Variants in UBE2Q2 observed in about 807,000 individuals in gnomAD.
UBE2Q2 encodes ubiquitin conjugating enzyme E2 Q2.
Under a neutral mutation model 59.9 loss-of-function variants are expected in UBE2Q2, and 54 were observed. The ratio of observed to expected loss-of-function variants is 0.90; its 90% CI spans 0.72 to 1.13. The LOEUF is 1.13. UBE2Q2 is among the 50% of genes most tolerant of loss of function. UBE2Q2 has a pLI of 0.00. For missense variants in UBE2Q2, 433 were observed against 441.9 expected, an observed-to-expected ratio of 0.98 and a Z score of 0.18; for synonymous variants, 165 against 155.2, an observed-to-expected ratio of 1.06 and a Z score of -0.47.
chr15:75,873,578 T>G lies in UBE2Q2; in HGVS notation c.588+10T>G. 3 of 1,603,488 alleles carry G rather than the reference T, an allele frequency of 1.9e-6. No homozygotes were observed. The highest frequency in any genetic ancestry group is 2.5e-6 in the Non-Finnish European group (3 of 1,176,888). On this transcript the variant is annotated intron_variant, in intron 5 of 12. Transcript: ENST00000267938. ...GCAAGACCATTTAAATGTAAGTGTG[T>G]GTAGATATCTAGAACCTGGACTTTT...
At chr15:75,856,269 G>GTGTGTGTGTGTATATA (rs1256142539) in intron 2 of UBE2Q2, among the ~76,000 whole-genome samples, 3 of 139,286 alleles carry the variant, frequency 2.2e-5, no homozygotes, top group African/African-American at 8.2e-5. Context: ...GTGTGTGTGT[G>GTGTGTGTGTGTATATA]TATATATATA....
chr15:75,882,262 C>CT (rs1898473870), intron 8 of UBE2Q2, among the ~76,000 whole-genome samples: 1 of 152,108 alleles, frequency 6.6e-6, no homozygotes, highest in African/African-American at 2.4e-5. Flanking sequence ...TTTATAGAGT[C>CT]TGAGAGTCTG....
At position 75,899,451 on chromosome 15, in the gene UBE2Q2, A is replaced by T. The variant is rs1245086477; in HGVS notation, c.1121A>T (p.Asp374Val). The change falls in exon 13 of 13, where the codon GAT becomes GTT. Residue 374 changes from aspartate (D) to valine (V), a missense_variant. Asp to Val is a radical substitution (Grantham distance 152). Coordinates refer to ENST00000267938, the MANE Select transcript of UBE2Q2 (RefSeq NM_173469.4). ...GGCTGGTACACCCCTCCAAAGGAAG[A>T]TGGCTAAATGTGTTGACTGTTGTAT... ...KNGWYTPPKE[D>V]G 6.3e-7 allele frequency: 1 copy of T among 1,594,100 alleles called. No homozygotes were observed. The highest frequency in any genetic ancestry group is 8.5e-7 in the Non-Finnish European group (1 of 1,170,776).
chr15:75,843,610 C>T lies in UBE2Q2; in HGVS notation c.-57C>T. ...GCCGTGACGGCGGCTCCGGGCCCGG[C>T]TCCCCTTCCGCGCCCGGCTCCCCTT... On this transcript the variant is annotated 5_prime_UTR_variant, in exon 1 of 13. Transcript: ENST00000267938. 3 of 1,488,230 alleles carry T rather than the reference C, an allele frequency of 2.0e-6. No individual in the cohort carries two copies. The highest frequency in any genetic ancestry group is 1.2e-5 in the South Asian group (1 of 80,296). The allele number at this position is 1,488,230 out of a possible 1,614,324, so 92.2% of individuals were successfully genotyped here. A position where few individuals can be genotyped will look rare whatever the true frequency, so the allele number is the denominator to read the frequency against.
intron 9 of UBE2Q2, among the ~76,000 whole-genome samples, chr15:75,887,759 G>A (rs1567040474): frequency 6.6e-6 from 1 of 152,132 alleles, no homozygotes; most frequent in African/African-American, 2.4e-5. Context: ...TGAGGGCCAC[G>A]CTGTTGTCTT....
intron 8 of UBE2Q2, among the ~76,000 whole-genome samples, chr15:75,879,933 A>AG (rs1236617223): frequency 1.3e-5 from 2 of 152,164 alleles, no homozygotes; most frequent in African/African-American, 2.4e-5. Flanking sequence ...GGTGGGAGGT[A>AG]GGGAGGTGTG....
chr15:75,890,567 A>G (rs1349299182), intron 10 of UBE2Q2, 84 bp downstream of exon 10: 1 of 1,174,042 alleles, frequency 8.5e-7, no homozygotes, highest in Non-Finnish European at 1.2e-6. Flanking sequence ...AAAATTCTTT[A>G]ATAGCTCCTA....
At chr15:75,857,337 T>C (rs566680018) in intron 2 of UBE2Q2, among the ~76,000 whole-genome samples, 16 of 152,332 alleles carry the variant, frequency 1.1e-4, no homozygotes, top group Admixed American at 9.1e-4. Context: ...TTTTTCAGTA[T>C]CTAAAATATT....
At chr15:75,874,934 C>T (rs1034696788) in intron 5 of UBE2Q2, among the ~76,000 whole-genome samples, 1 of 152,178 alleles carries the variant, frequency 6.6e-6, no homozygotes, top group African/African-American at 2.4e-5. Flanking sequence ...ATGTTGAAAA[C>T]AGGTAGATTA....
intron 2 of UBE2Q2, among the ~76,000 whole-genome samples, chr15:75,856,017 T>C (rs1310038283): frequency 6.6e-6 from 1 of 151,976 alleles, no homozygotes; most frequent in African/African-American, 2.4e-5. Context: ...GTGAAACCTG[T>C]CTCTACAAAA....
At chr15:75,877,221 T>G (rs1471239749) in intron 6 of UBE2Q2, among the ~76,000 whole-genome samples, 1 of 148,672 alleles carries the variant, frequency 6.7e-6, no homozygotes. Context: ...TATGACCGAT[T>G]CAGGAATTCT....
intron 12 of UBE2Q2, among the ~76,000 whole-genome samples, chr15:75,899,105 C>A (rs1340356523): frequency 5.5e-4 from 61 of 111,058 alleles, no homozygotes; most frequent in African/African-American, 1.1e-3. Flanking sequence ...TACTAAATAC[C>A]AAAAAAAAAA....
intron 1 of UBE2Q2, among the ~76,000 whole-genome samples, chr15:75,847,665 C>T (rs776751293): frequency 2.0e-5 from 3 of 152,092 alleles, no homozygotes; most frequent in African/African-American, 4.8e-5. Flanking sequence ...TTGTTTTAAG[C>T]AGCCTTATTG....
intron 3 of UBE2Q2, among the ~76,000 whole-genome samples, chr15:75,866,485 A>G (rs1011398372): frequency 1.3e-5 from 2 of 152,162 alleles, no homozygotes; most frequent in East Asian, 1.9e-4. Context: ...CAGTATTCCT[A>G]TGGGGCTTTC....
intron 1 of UBE2Q2, chr15:75,844,081 G>A (rs1177722268): frequency 2.1e-6 from 3 of 1,411,884 alleles, no homozygotes; most frequent in Non-Finnish European, 2.8e-6. Flanking sequence ...TGGCTTGGGG[G>A]CTTCTGGCCC....
chr15:75,876,965 T>A (rs1283016060), intron 6 of UBE2Q2, among the ~76,000 whole-genome samples: 1 of 152,066 alleles, frequency 6.6e-6, no homozygotes, highest in Non-Finnish European at 1.5e-5. Flanking sequence ...AAGACCAGCC[T>A]GGCCAACATG....
intron 1 of UBE2Q2, 45 bp from the exon 2 acceptor site, chr15:75,854,341 T>G: frequency 6.8e-7 from 1 of 1,481,026 alleles, no homozygotes; most frequent in Non-Finnish European, 9.3e-7. Context: ...CATATTTGGG[T>G]TAGTCTGTAT....
At position 75,890,989 on chromosome 15, in the gene UBE2Q2, C is replaced by G. The variant is rs1272370385; in HGVS notation, c.1004C>G (p.Ala335Gly). 1.2e-6 allele frequency: 2 copies of G among 1,612,112 alleles called. No individual in the cohort carries two copies. The highest frequency in any genetic ancestry group is 1.7e-5 in the Admixed American group (1 of 60,012). Residue 335 changes from alanine to glycine, a missense_variant, in exon 11 of 13, where the codon GCC (alanine) becomes GGC (glycine). Physicochemically the swap from Ala to Gly is moderately conservative, Grantham distance 60. Transcript: ENST00000267938. ...QINATLVKGK[A>G]RVQFGANKNQ... ...AATGCCACCTTAGTCAAAGGCAAAG[C>G]CAGAGTGCAGTTTGGAGCAAATAAG... is the stretch of plus-strand genomic sequence containing the variant.
chr15:75,851,661 AC>A (rs1488253915), intron 1 of UBE2Q2, among the ~76,000 whole-genome samples: 4 of 152,272 alleles, frequency 2.6e-5, no homozygotes, highest in Non-Finnish European at 5.9e-5. Context: ...ACTGCCAAAA[AC>A]CCAAGTTGAA....
Sources: gnomAD v4.1 joint callset for allele counts (sites outside exome capture counted in the v4.1 genomes callset) on GRCh38, gnomAD v4.1.1 for gene constraint, MANE v1.5 for transcripts, NCBI Gene and HGNC (gene_info 2026-07-23, HGNC 2026-07-21) for gene names.